The following TANC2 variants were observed in gnomAD, a reference collection of about 807,000 sequenced individuals.
TANC2 encodes protein TANC2.
TANC2 carries 26 observed loss-of-function variants against 210.5 expected under a neutral mutation model. The ratio of observed to expected loss-of-function variants is 0.12; its 90% CI spans 0.09 to 0.17. The LOEUF is 0.17. Among genes scored for constraint, TANC2 ranks in the 10% least tolerant of loss-of-function variants. TANC2 has a pLI of 1.00. For missense variants in TANC2, 2,129 were observed against 2,608.9 expected (o/e 0.82, Z 4.01); for synonymous variants, 931 against 967.1 (o/e 0.96, Z 0.69).
At position 63,421,815 on chromosome 17, in the gene TANC2, C is replaced by G. The variant is rs1413957077; in HGVS notation, c.6085C>G (p.Pro2029Ala). The G allele has an allele frequency of 1.7e-5, 28 of 1,613,920 alleles. No individual in the cohort carries two copies. Among genetic ancestry groups the G allele is most frequent in the Non-Finnish European group, 1.9e-5 (23 of 1,179,910 alleles). Residue 2029 changes from proline (P) to alanine (A), a missense_variant, in exon 28 of 28, where the codon CCC becomes GCC. By Grantham distance (27) the Pro-to-Ala change is conservative (BLOSUM62 -1). Around this residue, in one of 5 missense-constraint regions of TANC2, gnomAD observed 161 missense variants for 178.6 expected, o/e 0.90. Transcript: ENST00000689528. This position sits in a 1 kb window ranked among gnomAD's most constrained non-coding sequence, Gnocchi z 6.9. ...GCGAGTCAGCCAGGCCTCCTCCTAT[C>G]CCGACGTGAAGGTAGCTCGGACTCT...
chr17:63,300,204 A>G (rs931171052), intron 9 of TANC2, among the ~76,000 whole-genome samples: 3 of 152,178 alleles, frequency 2.0e-5, no homozygotes, highest in African/African-American at 7.2e-5. Context: ...TATAGTTTGA[A>G]GTCAGGTAGC....
Position 63,412,858 on chromosome 17 carries a change from G to A in TANC2, c.3928+149G>A, listed in dbSNP as rs1180801722. On this transcript the variant is annotated intron_variant, in intron 24 of 27. Coordinates refer to ENST00000689528, the Ensembl canonical transcript of TANC2. This position sits in a 1 kb window ranked among gnomAD's most constrained non-coding sequence, Gnocchi z 4.2. ...AAGAAGATTTTTTTTAATGACTGTTGTAGAGAATAACTTGAACTTTTGATA... is the reference window on the plus strand; with the variant it reads ...AAGAAGATTTTTTTTAATGACTGTTATAGAGAATAACTTGAACTTTTGATA... 2 of 963,644 alleles carry A rather than the reference G, an allele frequency of 2.1e-6. No individual in the cohort carries two copies. The highest frequency in any genetic ancestry group is 3.0e-6 in the Non-Finnish European group (2 of 675,494). The allele number at this position is 963,644 out of a possible 1,614,324, so 59.7% of individuals were successfully genotyped here. A position where few individuals can be genotyped will look rare whatever the true frequency, so the allele number is the denominator to read the frequency against.
chr17:63,396,231 G>C (rs1470005725), intron 18 of TANC2: 2 of 302,140 alleles, frequency 6.6e-6, no homozygotes, highest in East Asian at 7.2e-5. Flanking sequence ...GAATTATTGA[G>C]GTGTAGTCAC....
At chr17:63,020,758 TATAAA>T (rs981884691) in intron 2 of TANC2, among the ~76,000 whole-genome samples, 9 of 152,168 alleles carry the variant, frequency 5.9e-5, no homozygotes, top group African/African-American at 2.2e-4. Context: ...GACTGAGTAA[TATAAA>T]GAAAAGATGT....
rs2033779363 is a variant in TANC2 at position 63,009,682 on chromosome 17, T to C, written c.67+56T>C. On this transcript the variant is annotated intron_variant, in intron 2 of 27. Coordinates refer to ENST00000689528, the Ensembl canonical transcript of TANC2. ...GATATTTTACAAATACAAGTTCTTT[T>C]AGGGTCCTGAATTAATGCTGTAACA... 3.8e-5 allele frequency: 57 copies of C among 1,482,372 alleles called. 1 individual carries two copies. The South Asian group carries it at 6.4e-4, about 17-fold the overall frequency. The allele number at this position is 1,482,372 out of a possible 1,614,324, so 91.8% of individuals were successfully genotyped here.
chr17:63,379,292 T>TC (rs1393314984), intron 14 of TANC2, among the ~76,000 whole-genome samples: 2 of 152,102 alleles, frequency 1.3e-5, no homozygotes, highest in Non-Finnish European at 2.9e-5. Context: ...CAGGTGCCCT[T>TC]CCCCAAAAAA....
At chr17:63,427,047 G>A (rs2147471343) in exon 28 of TANC2, 1 of 152,324 alleles carries the variant, frequency 6.6e-6, no homozygotes, top group Middle Eastern at 3.4e-3. Context: ...TGGAAATCCT[G>A]TAAGTTACAC....
chr17:63,006,104 A>G (rs188682373), intron 1 of TANC2, among the ~76,000 whole-genome samples: 1 of 152,080 alleles, frequency 6.6e-6, no homozygotes, highest in Non-Finnish European at 1.5e-5. Context: ...CTTATTTTTT[A>G]AATTAAGGAT....
intron 2 of TANC2, among the ~76,000 whole-genome samples, chr17:63,058,839 G>A (rs987083397): frequency 2.6e-5 from 4 of 152,052 alleles, no homozygotes; most frequent in African/African-American, 9.7e-5. Flanking sequence ...GATTACTGTA[G>A]CCCTGTAGTA....
rs1295212416 is a variant in TANC2 at position 63,314,639 on chromosome 17, G to T, written c.1411G>T (p.Ala471Ser). 8 of 1,613,716 alleles carry T rather than the reference G, an allele frequency of 5.0e-6. No homozygotes were observed. In the South Asian group the frequency reaches 6.6e-5, roughly 13 times the overall value. ...CCATGGTACAAGGATGAGACAGATC[G>T]CCTCAGACAGCCCACATGCCTCCCC... The change falls in exon 10 of 28, where the codon GCC becomes TCC. Residue 471 changes from alanine to serine, a missense_variant. Ala to Ser is a moderately conservative substitution (Grantham distance 99). Around this residue, in one of 5 missense-constraint regions of TANC2, gnomAD observed 739 missense variants for 848.0 expected, o/e 0.87. Transcript: ENST00000689528.
At chr17:63,385,216 G>A (rs1286110300) in intron 15 of TANC2, among the ~76,000 whole-genome samples, 1 of 152,134 alleles carries the variant, frequency 6.6e-6, no homozygotes, top group African/African-American at 2.4e-5. Flanking sequence ...TGTAAGACAT[G>A]TCTTCCATTG....
Position 63,200,755 on chromosome 17 carries a change from G to T in TANC2, c.583-16G>T. 1 of 1,604,190 alleles carries T rather than the reference G, an allele frequency of 6.2e-7. No individual in the cohort carries two copies. Among genetic ancestry groups the T allele is most frequent in the South Asian group, 1.1e-5 (1 of 89,522 alleles). On this transcript the variant is annotated splice_polypyrimidine_tract_variant and intron_variant, in intron 6 of 27. Coordinates refer to ENST00000689528, the Ensembl canonical transcript of TANC2. Reference sequence around the variant, plus strand: ...TGATCAGGTTATCTTACTTATTCATGATTCCAATTTTTCAGACCTCAGCAA... The same window carrying T: ...TGATCAGGTTATCTTACTTATTCATTATTCCAATTTTTCAGACCTCAGCAA...
Position 62,966,702 on chromosome 17 carries a change from G to C in TANC2, c.-71G>C, listed in dbSNP as rs1227211149. 6.6e-6 allele frequency: 1 copy of C among 152,378 alleles called. No individual in the cohort carries two copies. The highest frequency in any genetic ancestry group is 1.5e-5 in the Non-Finnish European group (1 of 68,238). The allele number at this position is 152,378 out of a possible 1,614,324, so 9.4% of individuals were successfully genotyped here. A position where few individuals can be genotyped will look rare whatever the true frequency, so the allele number is the denominator to read the frequency against. ...GGCGCGGTCCTCACAGGAGACCCCG[G>C]GGACTGGGGCTTGACCCGGAGGTGC... On this transcript the variant is annotated 5_prime_UTR_variant, in exon 1 of 28. Coordinates refer to ENST00000689528, the Ensembl canonical transcript of TANC2. The surrounding 1 kb of genome is among the most constrained non-coding windows in gnomAD (Gnocchi z 5.1).
chr17:63,236,032 T>G (rs1415005088), intron 7 of TANC2, among the ~76,000 whole-genome samples: 1 of 152,052 alleles, frequency 6.6e-6, no homozygotes, highest in Admixed American at 6.6e-5. Context: ...TGTTATTGCT[T>G]ACTTATTTGG....
At chr17:63,255,335 G>A (rs930849480) in intron 8 of TANC2, among the ~76,000 whole-genome samples, 3 of 152,018 alleles carry the variant, frequency 2.0e-5, no homozygotes, top group East Asian at 1.9e-4. Context: ...TTTGTGATCC[G>A]CCTGCCTCGG....
chr17:63,071,221 T>C lies in TANC2; in HGVS notation c.68-2722T>C, dbSNP rs1254697537. Reference sequence around the variant, plus strand: ...ATAGATGTGGGGAATAGATGCATGATAGGGACTTTAGTTACCTAAGCATGG... The same window carrying C: ...ATAGATGTGGGGAATAGATGCATGACAGGGACTTTAGTTACCTAAGCATGG... On this transcript the variant is annotated intron_variant, in intron 2 of 27. Coordinates refer to ENST00000689528, the Ensembl canonical transcript of TANC2. 2.0e-5 allele frequency among the ~76,000 whole-genome samples: 3 copies of C among 152,186 alleles called. 1 individual carries two copies. Among genetic ancestry groups the C allele is most frequent in the African/African-American group, 7.2e-5 (3 of 41,446 alleles).
chr17:63,064,996 A>T (rs1169997267), intron 2 of TANC2, among the ~76,000 whole-genome samples: 1 of 152,060 alleles, frequency 6.6e-6, no homozygotes, highest in African/African-American at 2.4e-5. Context: ...CATTTCTCCT[A>T]TCAAACTAAA....
At chr17:63,389,575 T>A in intron 17 of TANC2, 31 bp downstream of exon 17, 1 of 1,561,232 alleles carries the variant, frequency 6.4e-7, no homozygotes, top group Non-Finnish European at 8.7e-7. Flanking sequence ...CTGCTTTTCT[T>A]CCCTTTTTCT....
At chr17:63,076,701 A>G (rs2036582895) in intron 3 of TANC2, among the ~76,000 whole-genome samples, 1 of 152,194 alleles carries the variant, frequency 6.6e-6, no homozygotes, top group South Asian at 2.1e-4. Context: ...CCCAGAAATA[A>G]GAGAAAATAA....
Sources: gnomAD v4.1 joint callset for allele counts (sites outside exome capture counted in the v4.1 genomes callset) on GRCh38, gnomAD v4.1.1 for gene constraint, gnomAD v4.1.1 regional missense constraint, Gnocchi (gnomAD v3.1) non-coding constraint, MANE v1.5 for transcripts, NCBI Gene and HGNC (gene_info 2026-07-23, HGNC 2026-07-21) for gene names.